ANO10: variants seen among roughly 807,000 people sequenced by gnomAD.
The protein encoded by ANO10 is anoctamin-10.
In ANO10, 77 loss-of-function variants were observed where a neutral mutation model predicts 74.7. That is an observed-to-expected ratio of 1.03 (90% CI 0.86 to 1.25). ANO10 has a LOEUF of 1.25. ANO10 is among the 50% of genes most tolerant of loss of function. The pLI is 0.00. For synonymous variants in ANO10, 279 were observed against 284.9 expected (o/e 0.98, Z 0.21); for missense variants, 721 against 778.1 (o/e 0.93, Z 0.87).
chr3:43,611,130 A>C (rs939536269), intron 1 of ANO10, among the ~76,000 whole-genome samples: 2 of 152,182 alleles, frequency 1.3e-5, no homozygotes, highest in African/African-American at 2.4e-5. Context: ...CATGAGACTA[A>C]ATTCGAGACA....
At chr3:43,680,200 C>T (rs2084175956) in intron 1 of ANO10, among the ~76,000 whole-genome samples, 1 of 152,034 alleles carries the variant, frequency 6.6e-6, no homozygotes, top group Non-Finnish European at 1.5e-5. Context: ...AAAAATTAGA[C>T]GAATGGCTAA....
chr3:43,653,014 G>A (rs2083806196), intron 1 of ANO10: 1 of 151,836 alleles, frequency 6.6e-6, no homozygotes, highest in Admixed American at 6.6e-5. Context: ...AGACCATCCT[G>A]GCCAACATGG....
At chr3:43,598,726 A>G in intron 3 of ANO10, 60 bp from the exon 4 acceptor site, 1 of 1,317,876 alleles carries the variant, frequency 7.6e-7, no homozygotes, top group Admixed American at 1.9e-5. Flanking sequence ...TATTCCAATT[A>G]CCTGAGATTA....
At chr3:43,628,971 AT>A (rs1464220503) in intron 1 of ANO10, among the ~76,000 whole-genome samples, 1 of 152,082 alleles carries the variant, frequency 6.6e-6, no homozygotes, top group Non-Finnish European at 1.5e-5. Context: ...GCCTTGTCAT[AT>A]TCTATTACCT....
chr3:43,635,537 A>G (rs932778609), intron 1 of ANO10, among the ~76,000 whole-genome samples: 4 of 152,196 alleles, frequency 2.6e-5, no homozygotes, highest in Non-Finnish European at 4.4e-5. Flanking sequence ...GAAATAGACA[A>G]TGGTAATGTT....
chr3:43,678,173 A>G (rs1021308737), intron 1 of ANO10, among the ~76,000 whole-genome samples: 1 of 152,210 alleles, frequency 6.6e-6, no homozygotes, highest in African/African-American at 2.4e-5. Flanking sequence ...CATCTAATAC[A>G]AGGTCTATTT....
chr3:43,465,502 A>G (rs1402778430), intron 11 of ANO10, among the ~76,000 whole-genome samples: 1 of 152,202 alleles, frequency 6.6e-6, no homozygotes, highest in Admixed American at 6.5e-5. Flanking sequence ...AAAAATACAA[A>G]AATTAGCCAG....
At chr3:43,520,535 T>C (rs904550663) in intron 11 of ANO10, among the ~76,000 whole-genome samples, 2 of 152,172 alleles carry the variant, frequency 1.3e-5, no homozygotes, top group African/African-American at 4.8e-5. Context: ...CCCCAATGAA[T>C]TGTCGTGGAA....
intron 11 of ANO10, among the ~76,000 whole-genome samples, chr3:43,487,593 G>A (rs2076546201): frequency 6.6e-6 from 1 of 152,120 alleles, no homozygotes; most frequent in South Asian, 2.1e-4. Context: ...TATTTGCGTA[G>A]AGGTGTTTGT....
chr3:43,514,040 AATTT>A lies in ANO10; in HGVS notation c.1797+35676_1797+35679del, dbSNP rs907065643. Among the ~76,000 whole-genome samples the A allele has an allele frequency of 4.0e-5, 6 of 150,480 alleles. No individual in the cohort carries two copies. The East Asian group carries it at 7.7e-4, about 19-fold the overall frequency. On this transcript the variant is annotated intron_variant, in intron 11 of 12. Coordinates refer to ENST00000292246, the MANE Select transcript of ANO10 (RefSeq NM_018075.5). ...AGAAATAGCATATTATAATTTATATAATTTATTACATTATAAATAATTGCAAACA... is the reference window on the plus strand; with the variant it reads ...AGAAATAGCATATTATAATTTATATAATTACATTATAAATAATTGCAAACA...
In ANO10 at chr3:43,639,436, T is replaced by C. The variant is rs75747157; in HGVS notation, c.-11-33573A>G. 5.5e-3 allele frequency among the ~76,000 whole-genome samples: 840 copies of C among 152,254 alleles called. 7 individuals carry two copies. Among genetic ancestry groups the C allele is most frequent in the African/African-American group, 0.018 (730 of 41,552 alleles). On this transcript the variant is annotated intron_variant, in intron 1 of 3. Transcript: ENST00000413397. ...GACATAGATCCAAATGCCACACAAC[T>C]AAAATAAGTTGAAGAATCAATTTGT... is the stretch of plus-strand genomic sequence containing the variant.
At chr3:43,380,612 G>A (rs2091933423) in intron 12 of ANO10, among the ~76,000 whole-genome samples, 1 of 152,076 alleles carries the variant, frequency 6.6e-6, no homozygotes, top group South Asian at 2.1e-4. Context: ...ATGAAGGAAA[G>A]ATACAGTCTT....
At chr3:43,431,984 T>G (rs1227781849) in intron 12 of ANO10, among the ~76,000 whole-genome samples, 3 of 152,140 alleles carry the variant, frequency 2.0e-5, no homozygotes, top group African/African-American at 7.2e-5. Flanking sequence ...GCCTTACTGA[T>G]TCTCTCATTT....
chr3:43,424,862 G>A (rs1004464015), intron 12 of ANO10: 3 of 152,186 alleles, frequency 2.0e-5, no homozygotes, highest in Non-Finnish European at 4.4e-5. Context: ...CCTTTGGGTG[G>A]TGACAGGGCT....
At chr3:43,581,458 C>T (rs1413839831) in intron 4 of ANO10, among the ~76,000 whole-genome samples, 2 of 152,170 alleles carry the variant, frequency 1.3e-5, no homozygotes, top group African/African-American at 4.8e-5. Flanking sequence ...ACAGTAATTA[C>T]TTAGAATGAC....
intron 1 of ANO10, among the ~76,000 whole-genome samples, chr3:43,676,673 T>C (rs930287168): frequency 6.6e-6 from 1 of 152,154 alleles, no homozygotes; most frequent in African/African-American, 2.4e-5. Context: ...GTTGGGACAT[T>C]GTAATATCAT....
intron 1 of ANO10, among the ~76,000 whole-genome samples, chr3:43,677,207 G>A (rs746447792): frequency 9.2e-5 from 14 of 152,182 alleles, no homozygotes. Context: ...GCAGGTGGAA[G>A]CCATCTTCCT....
chr3:43,675,626 C>T (rs2149579229), intron 1 of ANO10, among the ~76,000 whole-genome samples: 1 of 152,204 alleles, frequency 6.6e-6, no homozygotes, highest in South Asian at 2.1e-4. Context: ...AGATGTTCAA[C>T]ATCACCAGCC....
chr3:43,433,931 C>T (rs538788362), intron 11 of ANO10, among the ~76,000 whole-genome samples: 12 of 152,236 alleles, frequency 7.9e-5, no homozygotes, highest in African/African-American at 2.9e-4. Context: ...AGAGATGGAA[C>T]AGCCTTTAAG....
Sources: gnomAD v4.1 joint callset for allele counts (sites outside exome capture counted in the v4.1 genomes callset) on GRCh38, gnomAD v4.1.1 for gene constraint, MANE v1.5 for transcripts, NCBI Gene and HGNC (gene_info 2026-07-23, HGNC 2026-07-21) for gene names.